Variants in LY75 observed in about 807,000 individuals in gnomAD.
LY75 encodes the protein C-type lectin domain family 13 member B.
Under a neutral mutation model 231.7 loss-of-function variants are expected in LY75, and 185 were observed. That is an observed-to-expected ratio of 0.80 (90% confidence interval 0.71 to 0.90). The LOEUF (loss-of-function observed/expected upper bound fraction) is 0.90. Among genes scored for constraint, LY75 ranks in the 40% least tolerant of loss-of-function variants. LY75 has a pLI of 0.00. For synonymous variants in LY75, 668 were observed against 689.0 expected, an observed-to-expected ratio of 0.97 and a Z score of 0.48; for missense variants, 1,947 against 2,050.2, an observed-to-expected ratio of 0.95 and a Z score of 0.97.
chr2:159,878,760 A>G, intron 9 of LY75, 39 bp from the exon 10 acceptor site: 1 of 1,606,946 alleles, frequency 6.2e-7, no homozygotes, highest in Non-Finnish European at 8.5e-7. Flanking sequence ...TCTTTTCCAG[A>G]CTTGATGGTG....
intron 8 of LY75, 23 bp from the exon 9 acceptor site, chr2:159,879,392 T>G: frequency 6.2e-7 from 1 of 1,611,592 alleles, no homozygotes; most frequent in Non-Finnish European, 8.5e-7. Context: ...ACAAAAACAT[T>G]TGCTTGGAAA....
chr2:159,850,482 A>T lies in LY75; in HGVS notation c.2884-15T>A. The T allele has an allele frequency of 6.2e-7, 1 of 1,613,016 alleles. No homozygotes were observed. Among genetic ancestry groups the T allele is most frequent in the Non-Finnish European group, 8.5e-7 (1 of 1,179,370 alleles). Reference sequence around the variant, plus strand: ...TTTAGAAAACACTGCAAACAAAGACATATGTGAAGCATGAGATTCCAGACA... The same window carrying T: ...TTTAGAAAACACTGCAAACAAAGACTTATGTGAAGCATGAGATTCCAGACA... On this transcript the variant is annotated splice_polypyrimidine_tract_variant and intron_variant, in intron 21 of 34. Coordinates refer to ENST00000263636, the MANE Select transcript of LY75 (RefSeq NM_002349.4).
chr2:159,848,733 G>A (rs1306220261), intron 23 of LY75, among the ~76,000 whole-genome samples: 1 of 152,162 alleles, frequency 6.6e-6, no homozygotes, highest in Non-Finnish European at 1.5e-5. Flanking sequence ...CTAGTCTAGG[G>A]CTCAAATATG....
intron 1 of LY75, among the ~76,000 whole-genome samples, chr2:159,904,232 A>C (rs546575031): frequency 6.6e-6 from 1 of 152,340 alleles, no homozygotes; most frequent in Non-Finnish European, 1.5e-5. Flanking sequence ...GCAAGAGGGC[A>C]GATGGGGAAC....
chr2:159,854,548 A>T lies in LY75; in HGVS notation c.2420-13T>A, dbSNP rs1419925487. ...ATTCCAGCACGGTCTAAAGAAGAAG[A>T]AGAAAAAGATTAGAATTATGACTAT... is the stretch of plus-strand genomic sequence containing the variant. On this transcript the variant is annotated splice_polypyrimidine_tract_variant and intron_variant, in intron 17 of 34. Transcript: ENST00000263636. 1 of 1,608,820 alleles carries T rather than the reference A, an allele frequency of 6.2e-7. No individual in the cohort carries two copies. Among genetic ancestry groups the T allele is most frequent in the East Asian group, 2.2e-5 (1 of 44,738 alleles).
chr2:159,876,764 C>T (rs957497804), intron 11 of LY75, among the ~76,000 whole-genome samples: 3 of 151,520 alleles, frequency 2.0e-5, no homozygotes, highest in African/African-American at 4.9e-5. Flanking sequence ...CCAGCACTTT[C>T]GGAGGCTGAG....
intron 4 of LY75, among the ~76,000 whole-genome samples, chr2:159,888,540 T>C (rs1685661549): frequency 6.6e-6 from 1 of 152,240 alleles, no homozygotes; most frequent in Non-Finnish European, 1.5e-5. Flanking sequence ...TAATGATTAA[T>C]GGATTTATCT....
rs2433687 is a variant in LY75 at position 159,852,454 on chromosome 2, G to A, written c.2744-114C>T. On this transcript the variant is annotated intron_variant, in intron 20 of 34. Transcript: ENST00000263636. ...TTTTTTTGAGACAGAGTCTCGCTCT[G>A]TTGCCCGGGGCTGGAGTGCAGTGGT... The A allele has an allele frequency of 0.011, 16,399 of 1,427,268 alleles. 850 individuals are homozygous for A. In the East Asian group the frequency reaches 0.15, roughly 13 times the overall value. The allele number at this position is 1,427,268 out of a possible 1,614,324, so 88.4% of individuals were successfully genotyped here.
At chr2:159,815,696 G>T (rs1372794737) in intron 30 of LY75, 123 bp from the exon 31 acceptor site, 104 of 1,242,100 alleles carry the variant, frequency 8.4e-5, no homozygotes, top group Non-Finnish European at 1.1e-4. Context: ...TTACAGTATT[G>T]TAGGTCTGAA....
intron 1 of LY75, among the ~76,000 whole-genome samples, chr2:159,901,260 C>T (rs1686069232): frequency 6.6e-6 from 1 of 152,234 alleles, no homozygotes; most frequent in Admixed American, 6.5e-5. Flanking sequence ...CACTTTCTCT[C>T]ATGGCCTTCT....
chr2:159,811,730 T>C (rs1197000655), intron 31 of LY75, among the ~76,000 whole-genome samples: 1 of 152,204 alleles, frequency 6.6e-6, no homozygotes, highest in Non-Finnish European at 1.5e-5. Flanking sequence ...TTCTGCTGCT[T>C]CTCTATCTTC....
chr2:159,875,692 A>T (rs750134451), intron 11 of LY75, 49 bp from the exon 12 acceptor site: 1 of 1,604,508 alleles, frequency 6.2e-7, no homozygotes, highest in Admixed American at 1.7e-5. Flanking sequence ...GTTAAAGTTC[A>T]AACATTTTCT....
intron 3 of LY75, among the ~76,000 whole-genome samples, chr2:159,892,677 C>T (rs1037492938): frequency 8.5e-5 from 13 of 152,242 alleles, no homozygotes; most frequent in East Asian, 5.8e-4. Context: ...TGTCAGGTAC[C>T]GTGATCCCCT....
At position 159,886,513 on chromosome 2, in the gene LY75, T is replaced by C. The variant is rs1385564263; in HGVS notation, c.820A>G (p.Lys274Glu). Residue 274 changes from lysine to glutamate, a missense_variant, in exon 5 of 35, where the codon AAG becomes GAG. Lys to Glu is a moderately conservative substitution (Grantham distance 56). Coordinates refer to ENST00000263636, the MANE Select transcript of LY75 (RefSeq NM_002349.4). ...TGATTTAAACCAATCCAGAAAATCT[T>C]AGCAATGCCTTCTTTTTCTGTAAGA... ...TYLKEKEGIA[K>E]IFWIGLNQLY... 4 of 1,602,508 alleles carry C rather than the reference T, an allele frequency of 2.5e-6. No individual in the cohort carries two copies. Among genetic ancestry groups the C allele is most frequent in the Non-Finnish European group, 3.4e-6 (4 of 1,175,410 alleles).
chr2:159,875,070 A>C lies in LY75; in HGVS notation c.1974+374T>G, dbSNP rs374996771. Reference sequence around the variant, plus strand: ...TATATATATGTTTGTAAAAGTGTAAATATATATACACTTTTTTTACATTAT... The same window carrying C: ...TATATATATGTTTGTAAAAGTGTAACTATATATACACTTTTTTTACATTAT... On this transcript the variant is annotated intron_variant, in intron 12 of 34. Transcript: ENST00000263636. Among the ~76,000 whole-genome samples, 126 of 148,288 alleles carry C rather than the reference A, an allele frequency of 8.5e-4. 1 individual carries two copies. In the East Asian group the frequency reaches 0.018, roughly 21 times the overall value.
At position 159,894,030 on chromosome 2, in the gene LY75, A is replaced by G; in HGVS notation, c.521T>C (p.Leu174Ser). 1 of 1,613,872 alleles carries G rather than the reference A, an allele frequency of 6.2e-7. No homozygotes were observed. Among genetic ancestry groups the G allele is most frequent in the Non-Finnish European group, 8.5e-7 (1 of 1,179,820 alleles). ...SYGRPCEFPF[L>S]IDGTWHHDCI... ...ATCATGATGCCAGGTCCCATCAATTAAGAATGGAAATTCACAAGGTCTCCC... is the reference window on the plus strand; with the variant it reads ...ATCATGATGCCAGGTCCCATCAATTGAGAATGGAAATTCACAAGGTCTCCC... Residue 174 changes from leucine to serine, a missense_variant, in exon 3 of 35, where the codon TTA becomes TCA. Physicochemically the swap from Leu to Ser is moderately radical, Grantham distance 145. Coordinates refer to ENST00000263636, the MANE Select transcript of LY75 (RefSeq NM_002349.4).
At position 159,886,402 on chromosome 2, in the gene LY75, T is replaced by C; in HGVS notation, c.913+18A>G. 6.3e-7 allele frequency: 1 copy of C among 1,599,996 alleles called. No homozygotes were observed. Among genetic ancestry groups the C allele is most frequent in the South Asian group, 1.1e-5 (1 of 89,158 alleles). On this transcript the variant is annotated intron_variant, in intron 5 of 34. Coordinates refer to ENST00000263636, the MANE Select transcript of LY75 (RefSeq NM_002349.4). ...GAAGATTTGTTCTGTGCAGAGGGGG[T>C]AGGGAAAGAGCAGTTACCTGGATCC...
At chr2:159,846,436 C>T (rs183002371) in intron 23 of LY75, among the ~76,000 whole-genome samples, 1 of 152,050 alleles carries the variant, frequency 6.6e-6, no homozygotes, top group East Asian at 1.9e-4. Context: ...CTCAGGCAGG[C>T]GGATTGCTTG....
intron 11 of LY75, among the ~76,000 whole-genome samples, chr2:159,877,536 A>C (rs1685313927): frequency 6.6e-6 from 1 of 152,154 alleles, no homozygotes. Context: ...AATTATGGTC[A>C]ATGCTTTAGG....
Sources: gnomAD v4.1 joint callset for allele counts (sites outside exome capture counted in the v4.1 genomes callset) on GRCh38, gnomAD v4.1.1 for gene constraint, MANE v1.5 for transcripts, NCBI Gene and HGNC (gene_info 2026-07-23, HGNC 2026-07-21) for gene names.